Variants in LRRC7 observed in about 807,000 individuals in gnomAD.
LRRC7 encodes the protein leucine-rich repeat-containing protein 7.
LRRC7 carries 23 observed loss-of-function variants against 175.7 expected under a neutral mutation model. The ratio of observed to expected loss-of-function variants is 0.13; its 90% CI spans 0.09 to 0.19. The LOEUF (loss-of-function observed/expected upper bound fraction) is 0.19. Ranked by LOEUF, LRRC7 falls within the 10% of genes least tolerant of loss-of-function variation. The pLI is 1.00. For synonymous variants in LRRC7, 685 were observed against 680.9 expected, an observed-to-expected ratio of 1.01 and a Z score of -0.09; for missense variants, 1,354 against 1,904.7, an observed-to-expected ratio of 0.71 and a Z score of 5.38.
intron 7 of LRRC7, among the ~76,000 whole-genome samples, chr1:69,869,083 A>T (rs980206203): frequency 6.6e-6 from 1 of 152,030 alleles, no homozygotes; most frequent in Non-Finnish European, 1.5e-5. Flanking sequence ...ATTTCAACCT[A>T]TGAATTTTGA....
intron 2 of LRRC7, among the ~76,000 whole-genome samples, chr1:69,749,167 T>C (rs1279515175): frequency 1.3e-5 from 2 of 152,194 alleles, no homozygotes; most frequent in African/African-American, 2.4e-5. Context: ...CAAGACAGAA[T>C]GTGTGGAAAG....
intron 2 of LRRC7, among the ~76,000 whole-genome samples, chr1:69,713,228 G>A (rs1270718849): frequency 7.9e-5 from 12 of 152,066 alleles, no homozygotes; most frequent in Non-Finnish European, 1.5e-5. Context: ...GTTCATACCT[G>A]TAATCCCAGC....
At chr1:70,103,796 T>C (rs963907968) in intron 25 of LRRC7, among the ~76,000 whole-genome samples, 1 of 152,202 alleles carries the variant, frequency 6.6e-6, no homozygotes, top group Non-Finnish European at 1.5e-5. Context: ...TCATGGTATG[T>C]AAATTAAACT....
chr1:70,069,446 A>G (rs1662219437), intron 23 of LRRC7, among the ~76,000 whole-genome samples: 1 of 152,150 alleles, frequency 6.6e-6, no homozygotes, highest in South Asian at 2.1e-4. Flanking sequence ...TGGGGATTAT[A>G]TGGATTATGA....
Position 70,144,029 on chromosome 1 carries a change from T to A in LRRC7, c.*22142T>A, listed in dbSNP as rs1054362175. On this transcript the variant is annotated 3_prime_UTR_variant, in exon 27 of 27. Coordinates refer to ENST00000651989, the MANE Select transcript of LRRC7 (RefSeq NM_001370785.2). Reference sequence around the variant, plus strand: ...ATAACAACCTTGAAAGCTGCTTCATTTTATGTGCAAAGAAGTCCTATGAAT... The same window carrying A: ...ATAACAACCTTGAAAGCTGCTTCATATTATGTGCAAAGAAGTCCTATGAAT... 1.1e-4 allele frequency: 16 copies of A among 152,206 alleles called. No homozygotes were observed. Among genetic ancestry groups the A allele is most frequent in the Non-Finnish European group, 1.6e-4 (11 of 68,028 alleles). 9.4% of individuals were successfully genotyped at this position (152,206 alleles called of 1,614,324 possible). A position where few individuals can be genotyped will look rare whatever the true frequency, so the allele number is the denominator to read the frequency against.
intron 24 of LRRC7, among the ~76,000 whole-genome samples, chr1:70,083,870 A>G (rs1378240639): frequency 6.6e-6 from 1 of 152,112 alleles, no homozygotes; most frequent in African/African-American, 2.4e-5. Context: ...CACAGCTACC[A>G]TCTTAGTTGG....
At chr1:69,594,829 T>C (rs1646774704) in intron 1 of LRRC7, among the ~76,000 whole-genome samples, 1 of 152,160 alleles carries the variant, frequency 6.6e-6, no homozygotes, top group African/African-American at 2.4e-5. Context: ...TTGCATTGAA[T>C]CCACTCATGC....
At chr1:69,845,236 G>A (rs2101416797) in intron 7 of LRRC7, among the ~76,000 whole-genome samples, 1 of 152,196 alleles carries the variant, frequency 6.6e-6, no homozygotes, top group Non-Finnish European at 1.5e-5. Context: ...GGGCAACAAA[G>A]TGAGACCCTC....
chr1:69,600,796 G>GTTCTTTTTTTTTTTTTTTTTTTTTTTT (rs1557463083), intron 1 of LRRC7, among the ~76,000 whole-genome samples: 1 of 26,360 alleles, frequency 3.8e-5, no homozygotes, highest in Non-Finnish European at 6.3e-5. Flanking sequence ...AGGATCTCTG[G>GTTCTTTTTTTTTTTTTTTTTTTTTTTT]TTTCTTTTTT....
At chr1:69,672,830 A>G (rs1659268724) in intron 1 of LRRC7, among the ~76,000 whole-genome samples, 2 of 152,196 alleles carry the variant, frequency 1.3e-5, no homozygotes, top group South Asian at 4.1e-4. Context: ...GTTAAGGGAT[A>G]TCATTTCACT....
At position 69,888,096 on chromosome 1, in the gene LRRC7, G is replaced by C. The variant is rs546031337; in HGVS notation, c.648-43411G>C. ...GTTTGTCTGTGCCCTGTCTCCAGAG[G>C]TGGCGCCTACAGAGGCAGGCAGGCC... On this transcript the variant is annotated intron_variant, in intron 7 of 26. Coordinates refer to ENST00000651989, the MANE Select transcript of LRRC7 (RefSeq NM_001370785.2). Among the ~76,000 whole-genome samples, 105 of 118,190 alleles carry C rather than the reference G, an allele frequency of 8.9e-4. 15 individuals are homozygous for C. Among genetic ancestry groups the C allele is most frequent in the African/African-American group, 3.2e-3 (99 of 30,768 alleles). The allele number at this position is 118,190 out of a possible 152,430, so 77.5% of individuals were successfully genotyped here.
chr1:70,097,373 A>C (rs539208736), intron 25 of LRRC7, among the ~76,000 whole-genome samples: 1 of 152,328 alleles, frequency 6.6e-6, no homozygotes, highest in Admixed American at 6.5e-5. Context: ...GTCTGACTGA[A>C]TATAGCTTAC....
chr1:70,023,645 T>C (rs548233444), intron 17 of LRRC7, among the ~76,000 whole-genome samples: 34 of 152,060 alleles, frequency 2.2e-4, no homozygotes, highest in Non-Finnish European at 4.7e-4. Flanking sequence ...CTTTTTTTTT[T>C]CTTTAATTTA....
chr1:70,083,072 A>G (rs761598124), intron 24 of LRRC7, among the ~76,000 whole-genome samples: 1 of 151,996 alleles, frequency 6.6e-6, no homozygotes, highest in Non-Finnish European at 1.5e-5. Flanking sequence ...GGCGTGAGCC[A>G]TTGCACCCAG....
intron 7 of LRRC7, among the ~76,000 whole-genome samples, chr1:69,857,079 A>G (rs550876210): frequency 6.6e-6 from 1 of 152,028 alleles, no homozygotes; most frequent in African/African-American, 2.4e-5. Flanking sequence ...CATGCTAAAA[A>G]CTCTCAATAA....
chr1:69,916,321 T>A (rs1313033333), intron 7 of LRRC7, among the ~76,000 whole-genome samples: 2 of 141,632 alleles, frequency 1.4e-5, no homozygotes, highest in African/African-American at 5.2e-5. Flanking sequence ...ATATATAGTT[T>A]TGTTGTTGCA....
At chr1:70,039,836 A>G in intron 21 of LRRC7, 43 bp downstream of exon 21, 2 of 1,526,966 alleles carry the variant, frequency 1.3e-6, no homozygotes, top group Non-Finnish European at 1.8e-6. Context: ...TCCTGCCTTT[A>G]GTGTTACTTT....
At chr1:69,714,323 C>T (rs1180859383) in intron 2 of LRRC7, among the ~76,000 whole-genome samples, 2 of 152,196 alleles carry the variant, frequency 1.3e-5, no homozygotes, top group African/African-American at 4.8e-5. Flanking sequence ...AGTGCTTATA[C>T]TCTACAATAT....
chr1:69,882,539 A>G (rs67244064), intron 7 of LRRC7, among the ~76,000 whole-genome samples: 20,673 of 152,108 alleles, frequency 0.14, 2,357 homozygotes, highest in African/African-American at 0.31. Context: ...ACACTATATA[A>G]ATATCATTTA....
Sources: gnomAD v4.1 joint callset for allele counts (sites outside exome capture counted in the v4.1 genomes callset) on GRCh38, gnomAD v4.1.1 for gene constraint, MANE v1.5 for transcripts, NCBI Gene and HGNC (gene_info 2026-07-23, HGNC 2026-07-21) for gene names.